The following KIAA1549 variants were observed in gnomAD, a reference collection of about 807,000 sequenced individuals.
KIAA1549 encodes the protein KIAA1549, also known as UPF0606 protein KIAA1549.
KIAA1549 carries 70 observed loss-of-function variants against 156.4 expected under a neutral mutation model. The observed-to-expected ratio is 0.45, with a 90% CI of 0.37 to 0.55. The LOEUF (loss-of-function observed/expected upper bound fraction) is 0.55, where lower values mean the gene tolerates loss of function less well. KIAA1549 is among the 20% of genes least tolerant of loss of function. The pLI is 0.00. For missense variants in KIAA1549, 2,428 were observed against 2,540.9 expected, an observed-to-expected ratio of 0.96 and a Z score of 0.96; for synonymous variants, 1,103 against 1,066.4, an observed-to-expected ratio of 1.03 and a Z score of -0.67.
intron 11 of KIAA1549, among the ~76,000 whole-genome samples, chr7:138,880,473 A>C (rs1811209828): frequency 6.6e-6 from 1 of 152,160 alleles, no homozygotes; most frequent in Non-Finnish European, 1.5e-5. Flanking sequence ...CATCTATTAC[A>C]CTCTTATAAC....
chr7:138,932,747 T>G (rs1298684007), intron 1 of KIAA1549, among the ~76,000 whole-genome samples: 1 of 152,016 alleles, frequency 6.6e-6, no homozygotes, highest in Non-Finnish European at 1.5e-5. Flanking sequence ...CGGGAGTGTT[T>G]TGGAAATGCA....
chr7:138,978,830 G>A (rs1223995151), intron 1 of KIAA1549, among the ~76,000 whole-genome samples: 3 of 152,182 alleles, frequency 2.0e-5, no homozygotes, highest in Admixed American at 6.5e-5. Context: ...AGGACTGGGA[G>A]GGCAGCCCAA....
chr7:138,907,060 G>C lies in KIAA1549; in HGVS notation c.3319C>G (p.Arg1107Gly), dbSNP rs775250591. The C allele has an allele frequency of 1.2e-6, 2 of 1,611,546 alleles. No homozygotes were observed. The highest frequency in any genetic ancestry group is 3.4e-5 in the Admixed American group (2 of 59,452). ...TISSSRVTPRRGPVNIIFAVK... is the reference protein window; with the variant it reads ...TISSSRVTPRGGPVNIIFAVK... The stretch of plus-strand genomic sequence containing the variant: ...GCAAAGATGATATTCACCGGGCCCC[G>C]CCGAGGAGTCACCCTTGAGGAACTG... The change falls in exon 6 of 20, where the codon CGG becomes GGG. Residue 1107 changes from arginine to glycine, a missense_variant. By Grantham distance (125) the Arg-to-Gly change is moderately radical. This residue lies in a region of KIAA1549 where 762 missense variants were observed against 901.6 expected (regional missense o/e 0.85). Transcript: ENST00000422774.
chr7:138,864,952 G>T (rs1810695652), intron 15 of KIAA1549, among the ~76,000 whole-genome samples: 1 of 152,308 alleles, frequency 6.6e-6, no homozygotes, highest in East Asian at 1.9e-4. Context: ...ATTTAGGCCA[G>T]GTTTGGTGGC....
chr7:138,959,035 G>A (rs1350389787), intron 1 of KIAA1549, among the ~76,000 whole-genome samples: 2 of 152,036 alleles, frequency 1.3e-5, no homozygotes, highest in African/African-American at 2.4e-5. Context: ...GAGTAGCTGG[G>A]ATTGCAGGCG....
chr7:138,851,666 G>A (rs1320532593), intron 17 of KIAA1549, among the ~76,000 whole-genome samples: 1 of 152,140 alleles, frequency 6.6e-6, no homozygotes, highest in Non-Finnish European at 1.5e-5. Context: ...TTTCTGCCAG[G>A]GAGCAACCCT....
rs1384335593 is a variant in KIAA1549 at position 138,879,609 on chromosome 7, C to T, written c.4274G>A (p.Ser1425Asn). Residue 1425 changes from serine (S) to asparagine (N), a missense_variant, in exon 12 of 20, where the codon AGC (serine) becomes AAC (asparagine). This residue lies in a region of KIAA1549 where 404 missense variants were observed against 417.0 expected (regional missense o/e 0.97). Coordinates refer to ENST00000422774, the MANE Select transcript of KIAA1549 (RefSeq NM_001164665.2). ...DADSTVSEES[S>N]ERDAGDKTPG... is the part of the protein sequence containing the mutation. ...CGTCTTATCTCCTGCGTCCCTCTCG[C>T]TGGACTCTTCACTGACCGTAGAGTC... 2 of 1,563,980 alleles carry T rather than the reference C, an allele frequency of 1.3e-6. No individual in the cohort carries two copies. Among genetic ancestry groups the T allele is most frequent in the Admixed American group, 3.8e-5 (2 of 53,110 alleles).
At chr7:138,866,943 C>G (rs770585211) in intron 15 of KIAA1549, among the ~76,000 whole-genome samples, 13 of 152,198 alleles carry the variant, frequency 8.5e-5, no homozygotes, top group South Asian at 2.1e-4. Context: ...GCTGGGATTA[C>G]AGGCATGCAC....
intron 17 of KIAA1549, among the ~76,000 whole-genome samples, chr7:138,846,351 A>T (rs1202996327): frequency 6.6e-6 from 1 of 152,128 alleles, no homozygotes; most frequent in Non-Finnish European, 1.5e-5. Context: ...CCTGGCCAAC[A>T]TGGTGAAACG....
chr7:138,945,890 C>A (rs1219603913), intron 1 of KIAA1549, among the ~76,000 whole-genome samples: 2 of 152,120 alleles, frequency 1.3e-5, no homozygotes, highest in Non-Finnish European at 2.9e-5. Flanking sequence ...TGTGCCACTG[C>A]ACTCCAGCCT....
At chr7:138,906,843 A>G (rs934829990) in intron 6 of KIAA1549, 76 bp downstream of exon 6, 12 of 1,200,324 alleles carry the variant, frequency 1.0e-5, no homozygotes, top group Non-Finnish European at 1.3e-5. Context: ...AAAAACTAAA[A>G]AAATTTTAAG....
At chr7:138,856,528 T>A (rs1462760008) in intron 16 of KIAA1549, among the ~76,000 whole-genome samples, 1 of 152,168 alleles carries the variant, frequency 6.6e-6, no homozygotes, top group African/African-American at 2.4e-5. Flanking sequence ...AGTCTCTCTG[T>A]TTCTGACAAC....
chr7:138,909,238 T>C, intron 4 of KIAA1549, 117 bp from the exon 5 acceptor site: 1 of 1,029,742 alleles, frequency 9.7e-7, no homozygotes, highest in South Asian at 1.5e-5. Flanking sequence ...TAGTATGGGA[T>C]TAAGTACTGT....
chr7:138,902,311 C>A lies in KIAA1549; in HGVS notation c.3669+1277G>T, dbSNP rs533755441. Among the ~76,000 whole-genome samples the A allele has an allele frequency of 2.4e-4, 37 of 152,270 alleles. No homozygotes were observed. The South Asian group carries it at 6.2e-3, about 26-fold the overall frequency. On this transcript the variant is annotated intron_variant, in intron 8 of 19. Coordinates refer to ENST00000422774, the MANE Select transcript of KIAA1549 (RefSeq NM_001164665.2). Reference sequence around the variant, plus strand: ...ACACTTCCCGGCTCCTGCCCCCAACCCACAGCCAATGTCATTTGCGTCTTT... The same window carrying A: ...ACACTTCCCGGCTCCTGCCCCCAACACACAGCCAATGTCATTTGCGTCTTT...
intron 16 of KIAA1549, among the ~76,000 whole-genome samples, chr7:138,856,511 T>C (rs1810396502): frequency 6.6e-6 from 1 of 152,134 alleles, no homozygotes; most frequent in South Asian, 2.1e-4. Context: ...TACAACAGCT[T>C]TCTATTAGTC....
rs1257444357 is a variant in KIAA1549 at position 138,832,787 on chromosome 7, CG to C, written c.*5118del. On this transcript the variant is annotated 3_prime_UTR_variant, in exon 20 of 20. Transcript: ENST00000422774. The stretch of plus-strand genomic sequence containing the variant: ...GACTTAGCAATGTACCATGATGTTG[CG>C]ATTTCCAAGTCATCTTCATAGTGGA... 6 of 222,022 alleles carry C rather than the reference CG, an allele frequency of 2.7e-5. No individual in the cohort carries two copies. Among genetic ancestry groups the C allele is most frequent in the Non-Finnish European group, 5.4e-5 (6 of 111,208 alleles). The allele number at this position is 222,022 out of a possible 1,614,324, so 13.8% of individuals were successfully genotyped here.
chr7:138,930,956 C>G (rs1441919940), intron 1 of KIAA1549, among the ~76,000 whole-genome samples: 1 of 152,230 alleles, frequency 6.6e-6, no homozygotes, highest in East Asian at 1.9e-4. Context: ...AGACATGCAA[C>G]TCTTCCTCTC....
At chr7:138,854,010 T>C (rs2130352691) in intron 16 of KIAA1549, among the ~76,000 whole-genome samples, 1 of 152,270 alleles carries the variant, frequency 6.6e-6, no homozygotes, top group South Asian at 2.1e-4. Flanking sequence ...GGATTTCAAC[T>C]CTATTCTCAT....
Position 138,981,080 on chromosome 7 carries a change from T to C in KIAA1549, c.187+3A>G, listed in dbSNP as rs1814531952. 2.5e-6 allele frequency: 3 copies of C among 1,220,492 alleles called. No individual in the cohort carries two copies. Among genetic ancestry groups the C allele is most frequent in the East Asian group, 3.2e-5 (1 of 30,930 alleles). The allele number at this position is 1,220,492 out of a possible 1,614,324, so 75.6% of individuals were successfully genotyped here. A position where few individuals can be genotyped will look rare whatever the true frequency, so the allele number is the denominator to read the frequency against. ...GCGTTCCGAGGGTCTCGGCGGAGCT[T>C]ACCTGGGGCGCACGAGGCCGGCCGG... On this transcript the variant is annotated splice_donor_region_variant and intron_variant, in intron 1 of 19. Transcript: ENST00000422774. This position sits in a 1 kb window ranked among gnomAD's most constrained non-coding sequence, Gnocchi z 4.5.
Sources: allele counts gnomAD v4.1 joint callset (sites outside exome capture counted in the v4.1 genomes callset), GRCh38; gene constraint gnomAD v4.1.1; regional missense constraint gnomAD v4.1.1; non-coding constraint Gnocchi (gnomAD v3.1); transcripts MANE v1.5; gene names NCBI Gene and HGNC (gene_info 2026-07-23, HGNC 2026-07-21).